Variants in EBF2 observed in about 807,000 individuals in gnomAD.
EBF2 encodes the protein transcription factor COE2.
EBF2 carries 21 observed loss-of-function variants against 72.8 expected under a neutral mutation model. That is an observed-to-expected ratio of 0.29 (90% CI 0.20 to 0.42). EBF2 has a LOEUF of 0.42. Ranked by LOEUF, EBF2 falls within the 10% of genes least tolerant of loss-of-function variation. EBF2 has a pLI of 1.00. For missense variants in EBF2, 637 were observed against 731.2 expected, an observed-to-expected ratio of 0.87 and a Z score of 1.49; for synonymous variants, 299 against 274.2, an observed-to-expected ratio of 1.09 and a Z score of -0.89.
intron 6 of EBF2, among the ~76,000 whole-genome samples, chr8:26,012,369 A>T (rs1805039001): frequency 6.6e-6 from 1 of 152,200 alleles, no homozygotes; most frequent in Admixed American, 6.5e-5. Context: ...ATATTACACA[A>T]GGAAAAATGC....
chr8:25,975,759 A>G (rs1804258693), intron 6 of EBF2, among the ~76,000 whole-genome samples: 1 of 152,138 alleles, frequency 6.6e-6, no homozygotes, highest in Non-Finnish European at 1.5e-5. Context: ...TTCTACAGTA[A>G]CTCTACAGTA....
chr8:25,909,315 C>A (rs114765600), intron 6 of EBF2, among the ~76,000 whole-genome samples: 1 of 152,110 alleles, frequency 6.6e-6, no homozygotes, highest in Non-Finnish European at 1.5e-5. Context: ...GCAGAAGTGG[C>A]CTTTTCAGCA....
At chr8:25,852,777 T>TG (rs1409751875) in intron 14 of EBF2, among the ~76,000 whole-genome samples, 2 of 152,240 alleles carry the variant, frequency 1.3e-5, no homozygotes, top group Non-Finnish European at 2.9e-5. Context: ...GATGCAACTA[T>TG]AATAAAAATG....
At chr8:25,862,448 A>C (rs1277623351) in intron 11 of EBF2, among the ~76,000 whole-genome samples, 1 of 152,184 alleles carries the variant, frequency 6.6e-6, no homozygotes, top group East Asian at 1.9e-4. Context: ...ATTTATTTTC[A>C]TAAAGTTGGC....
chr8:25,943,087 G>C (rs1346921056), intron 6 of EBF2, among the ~76,000 whole-genome samples: 1 of 152,086 alleles, frequency 6.6e-6, no homozygotes, highest in East Asian at 1.9e-4. Context: ...GGTCTGAATT[G>C]AGTGAATAGT....
intron 14 of EBF2, among the ~76,000 whole-genome samples, chr8:25,853,195 T>C (rs768669886): frequency 2.2e-4 from 34 of 152,262 alleles, no homozygotes; most frequent in African/African-American, 7.9e-4. Context: ...GCTGTTAGGA[T>C]GGTTAGAGGT....
rs1805571197 is a variant in EBF2 at position 26,039,986 on chromosome 8, C to G, written c.482+42G>C. On this transcript the variant is annotated intron_variant, in intron 5 of 15. Coordinates refer to ENST00000520164, the MANE Select transcript of EBF2 (RefSeq NM_022659.4). Reference sequence around the variant, plus strand: ...GCGCGCCAAGGCGGGGCTGGAGCACCTGCGGGCTCTCCAGGAAGGCCTGGG... The same window carrying G: ...GCGCGCCAAGGCGGGGCTGGAGCACGTGCGGGCTCTCCAGGAAGGCCTGGG... The G allele has an allele frequency of 2.5e-6, 4 of 1,605,712 alleles. No individual in the cohort carries two copies. In the East Asian group the frequency reaches 9.0e-5, roughly 36 times the overall value.
At chr8:25,850,809 C>T in intron 14 of EBF2, 48 bp from the exon 15 acceptor site, 1 of 1,527,560 alleles carries the variant, frequency 6.5e-7, no homozygotes, top group Non-Finnish European at 8.7e-7. Flanking sequence ...GATCTTCCTT[C>T]AGTTCACACA....
At chr8:26,006,413 CTG>C (rs1030204391) in intron 6 of EBF2, among the ~76,000 whole-genome samples, 8 of 152,210 alleles carry the variant, frequency 5.3e-5, no homozygotes, top group African/African-American at 1.9e-4. Context: ...CATCAAATCT[CTG>C]TGCCATCATT....
intron 7 of EBF2, among the ~76,000 whole-genome samples, chr8:25,900,565 G>C (rs1434273891): frequency 1.3e-5 from 2 of 152,074 alleles, no homozygotes; most frequent in African/African-American, 2.4e-5. Context: ...CTTCTCCCTA[G>C]CATGACTCTG....
chr8:25,913,634 C>G (rs1376550335), intron 6 of EBF2, among the ~76,000 whole-genome samples: 1 of 152,066 alleles, frequency 6.6e-6, no homozygotes, highest in Non-Finnish European at 1.5e-5. Flanking sequence ...TGATAATGGC[C>G]ACATTTTATA....
chr8:25,852,095 C>G (rs547850309), intron 14 of EBF2, among the ~76,000 whole-genome samples: 1 of 152,262 alleles, frequency 6.6e-6, no homozygotes, highest in African/African-American at 2.4e-5. Flanking sequence ...CTGAGTACAT[C>G]TGTCTTTCCT....
intron 6 of EBF2, among the ~76,000 whole-genome samples, chr8:25,937,682 T>A (rs1034403225): frequency 6.6e-6 from 1 of 152,186 alleles, no homozygotes; most frequent in South Asian, 2.1e-4. Context: ...CAGTATATTA[T>A]GTTTATATAT....
intron 6 of EBF2, among the ~76,000 whole-genome samples, chr8:25,992,780 T>C (rs892189609): frequency 6.6e-6 from 1 of 151,784 alleles, no homozygotes; most frequent in African/African-American, 2.4e-5. Context: ...GGCACATGCC[T>C]GTGGTCCCAG....
At chr8:25,864,799 A>ATTTT (rs568818867) in intron 10 of EBF2, among the ~76,000 whole-genome samples, 1 of 138,024 alleles carries the variant, frequency 7.2e-6, no homozygotes, top group Non-Finnish European at 1.6e-5. Context: ...TTTCTCAACT[A>ATTTT]TTTTTTTTTT....
intron 6 of EBF2, among the ~76,000 whole-genome samples, chr8:26,016,730 C>T (rs1328697838): frequency 6.6e-6 from 1 of 152,128 alleles, no homozygotes; most frequent in African/African-American, 2.4e-5. Flanking sequence ...TTCTTTTGAT[C>T]TCAAGAAAAC....
At chr8:25,977,792 C>G (rs1313632556) in intron 6 of EBF2, among the ~76,000 whole-genome samples, 1 of 152,114 alleles carries the variant, frequency 6.6e-6, no homozygotes, top group African/African-American at 2.4e-5. Context: ...GACACATTTT[C>G]CTGGCTACAG....
intron 6 of EBF2, among the ~76,000 whole-genome samples, chr8:26,015,138 C>T (rs1325564166): frequency 6.6e-6 from 1 of 152,082 alleles, no homozygotes. Flanking sequence ...TTAAGCAGTC[C>T]ATTCCACCAG....
intron 6 of EBF2, among the ~76,000 whole-genome samples, chr8:26,007,991 G>A (rs574299066): frequency 6.6e-6 from 1 of 151,918 alleles, no homozygotes; most frequent in African/African-American, 2.4e-5. Flanking sequence ...AGTTTTAAAT[G>A]TCCTACATTT....
Sources: allele counts gnomAD v4.1 joint callset (sites outside exome capture counted in the v4.1 genomes callset), GRCh38; gene constraint gnomAD v4.1.1; transcripts MANE v1.5; gene names NCBI Gene and HGNC (gene_info 2026-07-23, HGNC 2026-07-21).